ERP44: variants seen among roughly 807,000 people sequenced by gnomAD.
The protein encoded by ERP44 is endoplasmic reticulum protein 44.
A neutral mutation model predicts 53.4 loss-of-function variants in ERP44; 25 were observed. That is an observed-to-expected ratio of 0.47 (90% CI 0.34 to 0.65). The LOEUF is 0.65. ERP44 is among the 30% of genes least tolerant of loss of function. The probability of loss-of-function intolerance (pLI) is 0.01; values close to 1 mark genes in which losing one functional copy is unlikely to be tolerated. For synonymous variants in ERP44, 145 were observed against 161.2 expected (o/e 0.90, Z 0.76); for missense variants, 338 against 493.2 (o/e 0.69, Z 2.98).
At chr9:100,052,602 C>A in intron 3 of ERP44, 70 bp from the exon 4 acceptor site, 2 of 801,404 alleles carry the variant, frequency 2.5e-6, no homozygotes, top group South Asian at 1.7e-5. Flanking sequence ...CCGTTATTGC[C>A]CACTGACATT....
chr9:100,027,762 C>G (rs948443979), intron 4 of ERP44, among the ~76,000 whole-genome samples: 1 of 152,172 alleles, frequency 6.6e-6, no homozygotes, highest in Non-Finnish European at 1.5e-5. Flanking sequence ...CAACGTCTCT[C>G]CCTGCAATGG....
chr9:100,013,215 T>C (rs1356993728), intron 8 of ERP44, among the ~76,000 whole-genome samples: 1 of 152,186 alleles, frequency 6.6e-6, no homozygotes, highest in Non-Finnish European at 1.5e-5. Context: ...TACACCTTAG[T>C]AACAGAAGAC....
chr9:100,013,861 T>TTA (rs1377668986), intron 8 of ERP44, among the ~76,000 whole-genome samples: 4 of 152,198 alleles, frequency 2.6e-5, no homozygotes, highest in Admixed American at 2.0e-4. Context: ...CATAGCAGCA[T>TTA]TATTCACGGT....
At position 99,981,441 on chromosome 9, in the gene ERP44, A is replaced by G. The variant is rs1177950554; in HGVS notation, c.*1171T>C. On this transcript the variant is annotated 3_prime_UTR_variant, in exon 12 of 12. Coordinates refer to ENST00000262455, the MANE Select transcript of ERP44 (RefSeq NM_015051.3). ...TCTTTTCCCAAACTGGGATTGATTTATACCCAAGTATAAAATGACCCTTGG... is the reference window on the plus strand; with the variant it reads ...TCTTTTCCCAAACTGGGATTGATTTGTACCCAAGTATAAAATGACCCTTGG... 6.6e-6 allele frequency: 1 copy of G among 152,644 alleles called. No individual in the cohort carries two copies. The highest frequency in any genetic ancestry group is 1.9e-4 in the East Asian group (1 of 5,194). 9.5% of individuals were successfully genotyped at this position (152,644 alleles called of 1,614,324 possible).
chr9:100,079,060 G>C (rs1828780453), intron 1 of ERP44, among the ~76,000 whole-genome samples: 1 of 152,162 alleles, frequency 6.6e-6, no homozygotes, highest in Non-Finnish European at 1.5e-5. Flanking sequence ...TGGCTTGAAG[G>C]ATGCAAAGTA....
intron 4 of ERP44, 89 bp from the exon 5 acceptor site, chr9:100,022,315 T>A: frequency 9.6e-7 from 1 of 1,045,234 alleles, no homozygotes; most frequent in South Asian, 2.1e-5. Flanking sequence ...AATTGCTTAG[T>A]GAGAACTTTT....
intron 4 of ERP44, among the ~76,000 whole-genome samples, chr9:100,028,838 G>C (rs997525039): frequency 6.6e-6 from 1 of 152,080 alleles, no homozygotes. Context: ...CAAAAAACTC[G>C]ACTCAGTTGA....
chr9:99,995,920 CTTT>C (rs34632626), intron 10 of ERP44, among the ~76,000 whole-genome samples: 8 of 121,402 alleles, frequency 6.6e-5, no homozygotes, highest in African/African-American at 6.1e-5. Context: ...TAGGGTAGTT[CTTT>C]TTTTTTTTTT....
intron 4 of ERP44, among the ~76,000 whole-genome samples, chr9:100,043,329 G>T (rs976965289): frequency 2.9e-5 from 4 of 138,826 alleles, no homozygotes; most frequent in East Asian, 2.4e-4. Flanking sequence ...ACAACAGGGT[G>T]ACTATAGTAG....
chr9:100,064,095 G>C (rs1252178821), intron 1 of ERP44, among the ~76,000 whole-genome samples: 2 of 152,164 alleles, frequency 1.3e-5, no homozygotes, highest in African/African-American at 4.8e-5. Flanking sequence ...AACACCAAGA[G>C]CACTTTCTAT....
chr9:100,068,732 G>A (rs1587980432), intron 1 of ERP44, among the ~76,000 whole-genome samples: 1 of 149,222 alleles, frequency 6.7e-6, no homozygotes, highest in African/African-American at 2.5e-5. Flanking sequence ...CTGCCCGGCC[G>A]CCCCTACTGG....
chr9:100,023,925 C>A (rs547044505), intron 4 of ERP44, among the ~76,000 whole-genome samples: 5 of 152,050 alleles, frequency 3.3e-5, no homozygotes, highest in Admixed American at 1.3e-4. Flanking sequence ...GAGAATGAGG[C>A]GGGTGGATCA....
chr9:100,044,753 T>C (rs1199919909), intron 4 of ERP44, among the ~76,000 whole-genome samples: 1 of 152,192 alleles, frequency 6.6e-6, no homozygotes, highest in African/African-American at 2.4e-5. Context: ...GCTTTTTCCT[T>C]AATCAATGAC....
intron 10 of ERP44, among the ~76,000 whole-genome samples, chr9:99,994,045 C>T (rs1447993936): frequency 1.3e-5 from 2 of 152,188 alleles, no homozygotes; most frequent in African/African-American, 4.8e-5. Context: ...CGCTTTTACA[C>T]TGTTGGTGGG....
At chr9:99,983,551 CAAAA>C (rs59132233) in intron 11 of ERP44, among the ~76,000 whole-genome samples, 6 of 66,976 alleles carry the variant, frequency 9.0e-5, no homozygotes, top group South Asian at 5.9e-4. Context: ...GACTCCGTCT[CAAAA>C]AAAAAAAAAA....
chr9:99,982,747 A>G (rs1830161328), intron 11 of ERP44, 34 bp from the exon 12 acceptor site: 3 of 1,314,990 alleles, frequency 2.3e-6, no homozygotes, highest in Non-Finnish European at 3.2e-6. Context: ...TTTTATACCA[A>G]TATAGTTTAT....
intron 10 of ERP44, among the ~76,000 whole-genome samples, chr9:99,995,151 T>C (rs1424523817): frequency 2.0e-5 from 3 of 152,196 alleles, no homozygotes; most frequent in Non-Finnish European, 4.4e-5. Context: ...GGTTTCCAAT[T>C]GTTCATTGTC....
chr9:100,010,051 G>A (rs1200779631), intron 8 of ERP44, among the ~76,000 whole-genome samples: 2 of 152,090 alleles, frequency 1.3e-5, no homozygotes, highest in African/African-American at 2.4e-5. Flanking sequence ...TTTGTGTTAC[G>A]TTATCTGTAC....
At chr9:100,039,394 T>C (rs1825879169) in intron 4 of ERP44, among the ~76,000 whole-genome samples, 2 of 152,102 alleles carry the variant, frequency 1.3e-5, no homozygotes, top group African/African-American at 2.4e-5. Flanking sequence ...ATCTTAGAAA[T>C]TATACAATTA....
Sources: allele counts gnomAD v4.1 joint callset (sites outside exome capture counted in the v4.1 genomes callset), GRCh38; gene constraint gnomAD v4.1.1; transcripts MANE v1.5; gene names NCBI Gene and HGNC (gene_info 2026-07-23, HGNC 2026-07-21).